PAX1: variants seen among roughly 807,000 people sequenced by gnomAD.
The protein encoded by PAX1 is paired box protein Pax-1.
PAX1 carries 18 observed loss-of-function variants against 35.6 expected under a neutral mutation model. That is an observed-to-expected ratio of 0.50 (90% CI 0.35 to 0.75). PAX1 has a LOEUF of 0.75. Ranked by LOEUF, PAX1 falls within the 30% of genes least tolerant of loss-of-function variation. The probability of loss-of-function intolerance (pLI) is 0.01; values close to 1 mark genes in which losing one functional copy is unlikely to be tolerated. For synonymous variants in PAX1, 397 were observed against 305.2 expected, an observed-to-expected ratio of 1.30 and a Z score of -3.14; for missense variants, 760 against 661.5, an observed-to-expected ratio of 1.15 and a Z score of -1.63.
intron 4 of PAX1, 98 bp from the exon 5 acceptor site, chr20:21,714,373 C>CGCTCAACCCTTGAAG: frequency 1.2e-6 from 1 of 848,454 alleles, no homozygotes; most frequent in Non-Finnish European, 1.8e-6. Context: ...AAGGGTTGAG[C>CGCTCAACCCTTGAAG]GCTCACGACC....
intron 4 of PAX1, among the ~76,000 whole-genome samples, chr20:21,713,525 C>T (rs189235556): frequency 3.6e-4 from 55 of 151,986 alleles, no homozygotes; most frequent in South Asian, 2.1e-3. Context: ...TACTTCAAAT[C>T]GAGGCGCTCC....
In PAX1 at chr20:21,705,687, C is replaced by A; in HGVS notation, c.-26C>A. On this transcript the variant is annotated 5_prime_UTR_variant, in exon 1 of 5. Coordinates refer to ENST00000613128, the MANE Select transcript of PAX1 (RefSeq NM_001257096.2). ...TTGATTCCCGCACGCTGCAGCCTCCCGGTCAGACGAATTTCTCCCAATCGG... is the reference window on the plus strand; with the variant it reads ...TTGATTCCCGCACGCTGCAGCCTCCAGGTCAGACGAATTTCTCCCAATCGG... 8.1e-7 allele frequency: 1 copy of A among 1,235,486 alleles called. No individual in the cohort carries two copies. The highest frequency in any genetic ancestry group is 1.0e-6 in the Non-Finnish European group (1 of 980,840). 76.5% of individuals were successfully genotyped at this position (1,235,486 alleles called of 1,614,324 possible). A position where few individuals can be genotyped will look rare whatever the true frequency, so the allele number is the denominator to read the frequency against.
At chr20:21,711,180 T>G (rs1985188401) in intron 4 of PAX1, among the ~76,000 whole-genome samples, 1 of 152,240 alleles carries the variant, frequency 6.6e-6, no homozygotes, top group African/African-American at 2.4e-5. Context: ...ATTTGAAATA[T>G]TTCACTGGGT....
Position 21,707,070 on chromosome 20 carries a change from C to T in PAX1, c.916+3C>T, listed in dbSNP as rs1254478570. ...CCGGACGTTTATGGAGCAAACAGGT[C>T]AGTTGTGGCGGCCTCCGTAGCCTTC... On this transcript the variant is annotated splice_donor_region_variant and intron_variant, in intron 2 of 4. Coordinates refer to ENST00000613128, the MANE Select transcript of PAX1 (RefSeq NM_001257096.2). 3 of 1,613,024 alleles carry T rather than the reference C, an allele frequency of 1.9e-6. No individual in the cohort carries two copies. Among genetic ancestry groups the T allele is most frequent in the East Asian group, 2.2e-5 (1 of 44,844 alleles).
At position 21,714,742 on chromosome 20, in the gene PAX1, C is replaced by G. The variant is rs200033268; in HGVS notation, c.*180C>G. ...CCCCAGGCCCAGCCCTGCCTCTGGC[C>G]GGACCCACCACACTTCCTTTATTGG... On this transcript the variant is annotated 3_prime_UTR_variant, in exon 5 of 5. Coordinates refer to ENST00000613128, the MANE Select transcript of PAX1 (RefSeq NM_001257096.2). 63 of 1,603,838 alleles carry G rather than the reference C, an allele frequency of 3.9e-5. No individual in the cohort carries two copies. In the Admixed American group the frequency reaches 4.2e-4, roughly 11 times the overall value.
rs141973292 is a variant in PAX1 at position 21,717,620 on chromosome 20, C to G, written c.*3058C>G. On this transcript the variant is annotated 3_prime_UTR_variant, in exon 5 of 5. Transcript: ENST00000613128. Reference sequence around the variant, plus strand: ...CTCATAATAAAATTATGCAGCACCACGTCAGGTAGAATAATTTGAGAAACA... The same window carrying G: ...CTCATAATAAAATTATGCAGCACCAGGTCAGGTAGAATAATTTGAGAAACA... 2.6e-5 allele frequency: 4 copies of G among 152,306 alleles called. No homozygotes were observed. Among genetic ancestry groups the G allele is most frequent in the Admixed American group, 2.6e-4 (4 of 15,304 alleles). The allele number at this position is 152,306 out of a possible 1,614,324, so 9.4% of individuals were successfully genotyped here.
chr20:21,708,448 A>T, intron 2 of PAX1, 110 bp from the exon 3 acceptor site: 1 of 1,309,162 alleles, frequency 7.6e-7, no homozygotes, highest in Non-Finnish European at 1.1e-6. Context: ...CCACCTACAA[A>T]TTTTGTGGGA....
At position 21,708,561 on chromosome 20, in the gene PAX1, C is replaced by T. The variant is rs763110376; in HGVS notation, c.920C>T (p.Ala307Val). 5.0e-6 allele frequency: 8 copies of T among 1,613,514 alleles called. No individual in the cohort carries two copies. The highest frequency in any genetic ancestry group is 5.1e-6 in the Non-Finnish European group (6 of 1,180,034). ...ATCCGTCCTCTCTCTCCTGCAGGGG[C>T]CCTGGCTGGGAGCGAAGGCACCGCT... ...GIRTFMEQTG[A>V]LAGSEGTAYS... Residue 307 changes from alanine to valine, a missense_variant, in exon 3 of 5, where the codon GCC becomes GTC. Ala to Val is a moderately conservative substitution (Grantham distance 64). Coordinates refer to ENST00000613128, the MANE Select transcript of PAX1 (RefSeq NM_001257096.2).
In PAX1 at chr20:21,705,984, G is replaced by A; in HGVS notation, c.272G>A (p.Gly91Asp). The part of the protein sequence containing the change: ...PGHPGARQLA[G>D]PLAMEQTYGE... The stretch of plus-strand genomic sequence containing the variant: ...CACCCCGGCGCCAGGCAGCTGGCCG[G>A]CCCGCTCGCTATGGGTAAGGGGCGG... Residue 91 changes from glycine to aspartate, a missense_variant, in exon 1 of 5, where the codon GGC becomes GAC. Physicochemically the swap from Gly to Asp is moderately conservative, Grantham distance 94 (BLOSUM62 -1). This residue lies in a region of PAX1 where 222 missense variants were observed against 153.0 expected (regional missense o/e 1.45). Coordinates refer to ENST00000613128, the MANE Select transcript of PAX1 (RefSeq NM_001257096.2). 6.7e-7 allele frequency: 1 copy of A among 1,482,942 alleles called. No individual in the cohort carries two copies. Among genetic ancestry groups the A allele is most frequent in the Admixed American group, 2.3e-5 (1 of 42,918 alleles). The allele number at this position is 1,482,942 out of a possible 1,614,324, so 91.9% of individuals were successfully genotyped here. A position where few individuals can be genotyped will look rare whatever the true frequency, so the allele number is the denominator to read the frequency against.
intron 4 of PAX1, among the ~76,000 whole-genome samples, chr20:21,712,251 C>T (rs17861044): frequency 0.04 from 6,095 of 152,232 alleles, 443 homozygotes; most frequent in African/African-American, 0.14. Context: ...TTATTTAATA[C>T]TATAATTCAT....
rs976251921 is a variant in PAX1 at position 21,717,563 on chromosome 20, T to G, written c.*3001T>G. Reference sequence around the variant, plus strand: ...CATTGGAATATTGCACTTTTGCTCTTTGTTCGTATGGATCTGTGGAGGAAC... The same window carrying G: ...CATTGGAATATTGCACTTTTGCTCTGTGTTCGTATGGATCTGTGGAGGAAC... On this transcript the variant is annotated 3_prime_UTR_variant, in exon 5 of 5. Coordinates refer to ENST00000613128, the MANE Select transcript of PAX1 (RefSeq NM_001257096.2). 6.6e-6 allele frequency: 1 copy of G among 152,220 alleles called. No homozygotes were observed. Among genetic ancestry groups the G allele is most frequent in the Non-Finnish European group, 1.5e-5 (1 of 68,046 alleles). 9.4% of individuals were successfully genotyped at this position (152,220 alleles called of 1,614,324 possible). A position where few individuals can be genotyped will look rare whatever the true frequency, so the allele number is the denominator to read the frequency against.
At position 21,714,924 on chromosome 20, in the gene PAX1, C is replaced by T. The variant is rs974566768; in HGVS notation, c.*362C>T. 11 of 812,842 alleles carry T rather than the reference C, an allele frequency of 1.4e-5. No individual in the cohort carries two copies. In the Admixed American group the frequency reaches 1.6e-4, roughly 12 times the overall value. The allele number at this position is 812,842 out of a possible 1,614,324, so 50.4% of individuals were successfully genotyped here. A position where few individuals can be genotyped will look rare whatever the true frequency, so the allele number is the denominator to read the frequency against. On this transcript the variant is annotated 3_prime_UTR_variant, in exon 5 of 5. Coordinates refer to ENST00000613128, the MANE Select transcript of PAX1 (RefSeq NM_001257096.2). Reference sequence around the variant, plus strand: ...TCTCGCCTCTCTCCCTGTTTCCTTCCCCCCTCTTTCTTTCTCACTCTCCCT... The same window carrying T: ...TCTCGCCTCTCTCCCTGTTTCCTTCTCCCCTCTTTCTTTCTCACTCTCCCT...
At chr20:21,709,530 G>A in intron 4 of PAX1, 86 bp downstream of exon 4, 1 of 1,067,972 alleles carries the variant, frequency 9.4e-7, no homozygotes, top group Non-Finnish European at 1.3e-6. Flanking sequence ...GGAAAAGGGA[G>A]AGCGGGTGGG....
intron 4 of PAX1, among the ~76,000 whole-genome samples, chr20:21,712,200 G>A (rs934957548): frequency 6.6e-6 from 1 of 152,064 alleles, no homozygotes; most frequent in African/African-American, 2.4e-5. Flanking sequence ...ATGTCAAATC[G>A]AAAATTTAGC....
In PAX1 at chr20:21,709,134, T is replaced by C. The variant is rs1013136951; in HGVS notation, c.1060-88T>C. 4 of 1,021,496 alleles carry C rather than the reference T, an allele frequency of 3.9e-6. No homozygotes were observed. In the African/African-American group the frequency reaches 4.7e-5, roughly 12 times the overall value. The allele number at this position is 1,021,496 out of a possible 1,614,324, so 63.3% of individuals were successfully genotyped here. On this transcript the variant is annotated intron_variant, in intron 3 of 4. Coordinates refer to ENST00000613128, the MANE Select transcript of PAX1 (RefSeq NM_001257096.2). ...ATGGGCACAGGACGTGGGGGAGCGA[T>C]AATGGACGAAAACCCCCGTCTCAGT...
In PAX1 at chr20:21,715,114, T is replaced by C. The variant is rs1985327623; in HGVS notation, c.*552T>C. 2.4e-5 allele frequency: 11 copies of C among 461,362 alleles called. No homozygotes were observed. Among genetic ancestry groups the C allele is most frequent in the Admixed American group, 3.6e-5 (1 of 27,838 alleles). 28.6% of individuals were successfully genotyped at this position (461,362 alleles called of 1,614,324 possible). A position where few individuals can be genotyped will look rare whatever the true frequency, so the allele number is the denominator to read the frequency against. Reference sequence around the variant, plus strand: ...CTAGTCCTCTATATGCTATCAGCCCTTTTTCCTGGTCCATCCCTGTCGTTC... The same window carrying C: ...CTAGTCCTCTATATGCTATCAGCCCCTTTTCCTGGTCCATCCCTGTCGTTC... On this transcript the variant is annotated 3_prime_UTR_variant, in exon 5 of 5. Coordinates refer to ENST00000613128, the MANE Select transcript of PAX1 (RefSeq NM_001257096.2).
In PAX1 at chr20:21,707,042, C is replaced by T. The variant is rs1182843877; in HGVS notation, c.891C>T (p.Gly297=). The change falls in exon 2 of 5, where the codon GGC becomes GGT. Residue 297 remains glycine (G), a synonymous_variant. Coordinates refer to ENST00000613128, the MANE Select transcript of PAX1 (RefSeq NM_001257096.2). Reference sequence around the variant, plus strand: ...CACACTCGGTCAGCAACATCCTGGGCATCCGGACGTTTATGGAGCAAACAG... The same window carrying T: ...CACACTCGGTCAGCAACATCCTGGGTATCCGGACGTTTATGGAGCAAACAG... ...PSAHSVSNIL[G]IRTFMEQTGA... 6.2e-7 allele frequency: 1 copy of T among 1,613,094 alleles called. No individual in the cohort carries two copies. Among genetic ancestry groups the T allele is most frequent in the South Asian group, 1.1e-5 (1 of 91,086 alleles).
rs900871105 is a variant in PAX1 at position 21,718,171 on chromosome 20, T to C, written c.*3609T>C. ...AGACAGGATTTTGTTGTGTTCATTA[T>C]TGGAGGAAGTACTTGCAATGGATTG... On this transcript the variant is annotated 3_prime_UTR_variant, in exon 5 of 5. Transcript: ENST00000613128. 6.6e-6 allele frequency: 1 copy of C among 152,238 alleles called. No homozygotes were observed. Among genetic ancestry groups the C allele is most frequent in the Non-Finnish European group, 1.5e-5 (1 of 68,030 alleles). The allele number at this position is 152,238 out of a possible 1,614,324, so 9.4% of individuals were successfully genotyped here. A position where few individuals can be genotyped will look rare whatever the true frequency, so the allele number is the denominator to read the frequency against.
At chr20:21,709,998 A>G (rs1163534871) in intron 4 of PAX1, among the ~76,000 whole-genome samples, 1 of 150,214 alleles carries the variant, frequency 6.7e-6, no homozygotes, top group Non-Finnish European at 1.5e-5. Flanking sequence ...TTTTTCTTAA[A>G]TACACACTGT....
Sources: gnomAD v4.1 joint callset for allele counts (sites outside exome capture counted in the v4.1 genomes callset) on GRCh38, gnomAD v4.1.1 for gene constraint, gnomAD v4.1.1 regional missense constraint, MANE v1.5 for transcripts, NCBI Gene and HGNC (gene_info 2026-07-23, HGNC 2026-07-21) for gene names.